The following STX11 variants were observed in gnomAD, a reference collection of about 807,000 sequenced individuals.
STX11 encodes syntaxin-11.
In STX11, 21 loss-of-function variants were observed where a neutral mutation model predicts 19.9. The ratio of observed to expected loss-of-function variants is 1.06; its 90% CI spans 0.75 to 1.52. STX11 has a LOEUF of 1.52. STX11 is among the 40% of genes most tolerant of loss of function. STX11 has a pLI of 0.00. For synonymous variants in STX11, 193 were observed against 174.4 expected, an observed-to-expected ratio of 1.11 and a Z score of -0.84; for missense variants, 438 against 405.9, an observed-to-expected ratio of 1.08 and a Z score of -0.68.
Position 144,151,513 on chromosome 6 carries a change from T to C in STX11, c.-6+810T>C. ...AATGAGACTCTAGATGTGAAATGCC[T>C]GCCCTGCCAACCTGGGGCAGTGGTA... On this transcript the variant is annotated intron_variant, in intron 1 of 1. Transcript: ENST00000367568. The surrounding 1 kb of genome is among the most constrained non-coding windows in gnomAD (Gnocchi z 4.6). 1.2e-6 allele frequency: 1 copy of C among 844,364 alleles called. No individual in the cohort carries two copies. Among genetic ancestry groups the C allele is most frequent in the Non-Finnish European group, 1.4e-6 (1 of 701,258 alleles). 52.3% of individuals were successfully genotyped at this position (844,364 alleles called of 1,614,324 possible). A position where few individuals can be genotyped will look rare whatever the true frequency, so the allele number is the denominator to read the frequency against.
rs1017397092 is a variant in STX11 at position 144,172,954 on chromosome 6, C to T, written c.-5-13669C>T. On this transcript the variant is annotated intron_variant, in intron 1 of 1. Coordinates refer to ENST00000367568, the MANE Select transcript of STX11 (RefSeq NM_003764.4). The surrounding 1 kb of genome is among the most constrained non-coding windows in gnomAD (Gnocchi z 4.2). ...GGTCCATAGCAGTTCTGTCCAAGCACATGTTACCAGGTGCCCCTGATCCTG... is the reference window on the plus strand; with the variant it reads ...GGTCCATAGCAGTTCTGTCCAAGCATATGTTACCAGGTGCCCCTGATCCTG... Among the ~76,000 whole-genome samples, 1 of 152,114 alleles carries T rather than the reference C, an allele frequency of 6.6e-6. No homozygotes were observed. The highest frequency in any genetic ancestry group is 6.5e-5 in the Admixed American group (1 of 15,270).
At chr6:144,157,360 C>G (rs1801198153) in intron 1 of STX11, among the ~76,000 whole-genome samples, 1 of 152,188 alleles carries the variant, frequency 6.6e-6, no homozygotes, top group Non-Finnish European at 1.5e-5. Flanking sequence ...TCCCTTCAGT[C>G]CAGGGCAATT....
In STX11 at chr6:144,187,216, G is replaced by A. The variant is rs141499372; in HGVS notation, c.589G>A (p.Val197Met). Residue 197 changes from valine to methionine, a missense_variant, in exon 2 of 2, where the codon GTG becomes ATG. Val to Met is a conservative substitution (Grantham distance 21, BLOSUM62 1). Coordinates refer to ENST00000367568, the MANE Select transcript of STX11 (RefSeq NM_003764.4). The surrounding 1 kb of genome is among the most constrained non-coding windows in gnomAD (Gnocchi z 5.6). The stretch of plus-strand genomic sequence containing the variant: ...GTTTTCCGAGAACTTGCTGGCCGAC[G>A]TGAAGGGCGCGCGGGCCGCCCTCAA... ...DVFSENLLAD[V>M]KGARAALNEI... 4.0e-4 allele frequency: 639 copies of A among 1,613,968 alleles called. 2 individuals are homozygous for A. In the Middle Eastern group the frequency reaches 5.0e-3, roughly 13 times the overall value.
chr6:144,140,714 A>G, the STX11 span: 16 of 983,760 alleles, frequency 1.6e-5, no homozygotes, highest in East Asian at 1.4e-3. Context: ...GAAGAGTGCC[A>G]AAGGGAAAAG....
chr6:144,162,774 A>G lies in STX11; in HGVS notation c.-6+12071A>G, dbSNP rs921638083. 8.5e-5 allele frequency among the ~76,000 whole-genome samples: 13 copies of G among 152,226 alleles called. No individual in the cohort carries two copies. The highest frequency in any genetic ancestry group is 2.6e-4 in the Admixed American group (4 of 15,282). ...CATGGTGGAGTTTGTGTAGGCCAAG[A>G]CAGGCTAAGAGCAGTAAGTAAAAAA... On this transcript the variant is annotated intron_variant, in intron 1 of 1. Transcript: ENST00000367568. This position sits in a 1 kb window ranked among gnomAD's most constrained non-coding sequence, Gnocchi z 4.6.
In STX11 at chr6:144,175,624, A is replaced by C. The variant is rs1801759682; in HGVS notation, c.-5-10999A>C. Among the ~76,000 whole-genome samples the C allele has an allele frequency of 6.6e-6, 1 of 152,164 alleles. No homozygotes were observed. The highest frequency in any genetic ancestry group is 1.5e-5 in the Non-Finnish European group (1 of 68,022). On this transcript the variant is annotated intron_variant, in intron 1 of 1. Transcript: ENST00000367568. The surrounding 1 kb of genome is among the most constrained non-coding windows in gnomAD (Gnocchi z 5.1). ...GCCCAGCCTTAATAACACTCTTTTA[A>C]TCATTATTTGTATGTGAATACAATG...
At chr6:144,168,838 A>G (rs936827247) in intron 1 of STX11, among the ~76,000 whole-genome samples, 1 of 152,248 alleles carries the variant, frequency 6.6e-6, no homozygotes, top group Non-Finnish European at 1.5e-5. Flanking sequence ...TCATTGATCT[A>G]AGGATACCTT....
rs555014228 is a variant in STX11, at chr6:144,163,269, A to G, written c.-6+12566A>G. Among the ~76,000 whole-genome samples, 5 of 152,198 alleles carry G rather than the reference A, an allele frequency of 3.3e-5. No individual in the cohort carries two copies. In the South Asian group the frequency reaches 1.0e-3, roughly 32 times the overall value. ...TGTCAAATTTATAACATTTTAATTTATTTTTTTAAAAATGCTTTATGGGCT... is the reference window on the plus strand; with the variant it reads ...TGTCAAATTTATAACATTTTAATTTGTTTTTTTAAAAATGCTTTATGGGCT... On this transcript the variant is annotated intron_variant, in intron 1 of 1. Coordinates refer to ENST00000367568, the MANE Select transcript of STX11 (RefSeq NM_003764.4).
rs1032467291 is a variant in STX11 at position 144,183,327 on chromosome 6, T to C, written c.-5-3296T>C. Among the ~76,000 whole-genome samples the C allele has an allele frequency of 2.6e-5, 4 of 152,262 alleles. No individual in the cohort carries two copies. The highest frequency in any genetic ancestry group is 6.5e-5 in the Admixed American group (1 of 15,292). ...ATAGCCTTCTAAACTCTGTGACTTA[T>C]GTAGAAGCCAGGACCTCATTATTGT... On this transcript the variant is annotated intron_variant, in intron 1 of 1. Transcript: ENST00000367568. This position sits in a 1 kb window ranked among gnomAD's most constrained non-coding sequence, Gnocchi z 4.6.
At chr6:144,150,404 C>G (rs1451330216), upstream of STX11, 3 of 821,502 alleles carry the variant, frequency 3.7e-6, no homozygotes, top group Non-Finnish European at 1.5e-6. Context: ...GGGGCGGGAA[C>G]CCGCGCTCTG....
In STX11 at chr6:144,187,325, T is replaced by C. The variant is rs1455429648; in HGVS notation, c.698T>C (p.Val233Ala). The C allele has an allele frequency of 1.2e-6, 2 of 1,610,960 alleles. No individual in the cohort carries two copies. Among genetic ancestry groups the C allele is most frequent in the Admixed American group, 3.3e-5 (2 of 60,010 alleles). The change falls in exon 2 of 2, where the codon GTG becomes GCG. Residue 233 changes from valine (V) to alanine (A), a missense_variant. Physicochemically the swap from Val to Ala is moderately conservative, Grantham distance 64. Coordinates refer to ENST00000367568, the MANE Select transcript of STX11 (RefSeq NM_003764.4). This position sits in a 1 kb window ranked among gnomAD's most constrained non-coding sequence, Gnocchi z 5.6. ...CACGAGCTCTTCTTGCAGATGGCGG[T>C]GCTGGTGGAGAAGCAGGCCGACACC... ...DVHELFLQMAVLVEKQADTLN... is the reference protein window; with the variant it reads ...DVHELFLQMAALVEKQADTLN...
Position 144,151,065 on chromosome 6 carries a change from G to GT in STX11, c.-6+369dup, listed in dbSNP as rs1244301906. 1.3e-5 allele frequency among the ~76,000 whole-genome samples: 2 copies of GT among 152,132 alleles called. No individual in the cohort carries two copies. Among genetic ancestry groups the GT allele is most frequent in the Non-Finnish European group, 2.9e-5 (2 of 68,016 alleles). On this transcript the variant is annotated intron_variant, in intron 1 of 1. Coordinates refer to ENST00000367568, the MANE Select transcript of STX11 (RefSeq NM_003764.4). The surrounding 1 kb of genome is among the most constrained non-coding windows in gnomAD (Gnocchi z 4.6). ...TTATTTTAAATCGAAAGGCTGGAGT[G>GT]TTTTTTTATTATCACCTCTTCACTT... is the stretch of plus-strand genomic sequence containing the variant.
In STX11 at chr6:144,189,946, A is replaced by G. The variant is rs932041446; in HGVS notation, c.*2455A>G. 3.3e-5 allele frequency among the ~76,000 whole-genome samples: 5 copies of G among 152,218 alleles called. No homozygotes were observed. Among genetic ancestry groups the G allele is most frequent in the Admixed American group, 6.5e-5 (1 of 15,286 alleles). On this transcript the variant is annotated 3_prime_UTR_variant, in exon 2 of 2. Coordinates refer to ENST00000367568, the MANE Select transcript of STX11 (RefSeq NM_003764.4). The stretch of plus-strand genomic sequence containing the variant: ...AAATAGAGACTGCCAGCCAGTTTCC[A>G]CAAAAAAACGAAGAGTTCATAAATT...
chr6:144,177,944 G>T lies in STX11; in HGVS notation c.-5-8679G>T, dbSNP rs572020516. Among the ~76,000 whole-genome samples, 5 of 152,152 alleles carry T rather than the reference G, an allele frequency of 3.3e-5. No individual in the cohort carries two copies. The South Asian group carries it at 1.0e-3, about 32-fold the overall frequency. ...GTAACAACTGAAGTGTTGCAATGTT[G>T]GGGAAACTCTGATATGAAGAAATTT... On this transcript the variant is annotated intron_variant, in intron 1 of 1. Coordinates refer to ENST00000367568, the MANE Select transcript of STX11 (RefSeq NM_003764.4). This position sits in a 1 kb window ranked among gnomAD's most constrained non-coding sequence, Gnocchi z 4.4.
chr6:144,176,364 A>G lies in STX11; in HGVS notation c.-5-10259A>G, dbSNP rs949359403. Among the ~76,000 whole-genome samples, 2 of 152,166 alleles carry G rather than the reference A, an allele frequency of 1.3e-5. No homozygotes were observed. The highest frequency in any genetic ancestry group is 4.8e-5 in the African/African-American group (2 of 41,426). On this transcript the variant is annotated intron_variant, in intron 1 of 1. Transcript: ENST00000367568. This position sits in a 1 kb window ranked among gnomAD's most constrained non-coding sequence, Gnocchi z 4.1. The stretch of plus-strand genomic sequence containing the variant: ...AACTTAACTTCTCCGAGACCCAGTT[A>G]TTAGTAAATCGAAAATGATGTTACC...
At chr6:144,144,081 C>A in the STX11 span, among the ~76,000 whole-genome samples, 2 of 152,212 alleles carry the variant, frequency 1.3e-5, no homozygotes, top group African/African-American at 4.8e-5. Context: ...GTGCTTACTA[C>A]AGTCATTCAT....
At chr6:144,140,053 A>T in the STX11 span, among the ~76,000 whole-genome samples, 1 of 151,328 alleles carries the variant, frequency 6.6e-6, no homozygotes, top group Non-Finnish European at 1.5e-5. Context: ...CAAGGAAAGG[A>T]GCGAGGGACT....
rs1378806112 is a variant in STX11, at chr6:144,182,310, T to C, written c.-5-4313T>C. ...CTTTCTGTTGTAGTTTTCCTAATGT[T>C]TGCTCCCTGGTGACCAGGAGACCTT... On this transcript the variant is annotated intron_variant, in intron 1 of 1. Coordinates refer to ENST00000367568, the MANE Select transcript of STX11 (RefSeq NM_003764.4). This position sits in a 1 kb window ranked among gnomAD's most constrained non-coding sequence, Gnocchi z 4.8. Among the ~76,000 whole-genome samples the C allele has an allele frequency of 1.3e-5, 2 of 152,186 alleles. No individual in the cohort carries two copies. Among genetic ancestry groups the C allele is most frequent in the East Asian group, 3.8e-4 (2 of 5,202 alleles).
upstream of STX11, among the ~76,000 whole-genome samples, chr6:144,147,786 A>G (rs1024278675): frequency 2.6e-5 from 4 of 152,174 alleles, no homozygotes; most frequent in African/African-American, 9.7e-5. This position sits in a 1 kb window ranked among gnomAD's most constrained non-coding sequence, Gnocchi z 4.2. Context: ...GATGCCTGTT[A>G]ACCCAGCACT....
Sources: allele counts gnomAD v4.1 joint callset (sites outside exome capture counted in the v4.1 genomes callset), GRCh38; gene constraint gnomAD v4.1.1; non-coding constraint Gnocchi (gnomAD v3.1); transcripts MANE v1.5; gene names NCBI Gene and HGNC (gene_info 2026-07-23, HGNC 2026-07-21).